USP49: variants seen among roughly 807,000 people sequenced by gnomAD.
USP49 encodes ubiquitin specific peptidase 49, also known as ubiquitin carboxyl-terminal hydrolase 49.
Under a neutral mutation model 58.6 loss-of-function variants are expected in USP49, and 24 were observed. The observed-to-expected ratio is 0.41, with a 90% CI of 0.30 to 0.58. The LOEUF (loss-of-function observed/expected upper bound fraction) is 0.58, where lower values mean the gene tolerates loss of function less well. Ranked by LOEUF, USP49 falls within the 20% of genes least tolerant of loss-of-function variation. USP49 has a pLI of 0.30. For synonymous variants in USP49, 408 were observed against 365.1 expected (o/e 1.12, Z -1.34); for missense variants, 703 against 866.1 (o/e 0.81, Z 2.36).
In USP49 at chr6:41,805,673, G is replaced by A; in HGVS notation, c.1311C>T (p.Val437=). ...PFSQRKLTKQ[V]LKVVNTIFHG... ...GAAATATGGTATTCACCACCTTTAA[G>A]ACCTGTTTGGTGAGCTTCCTCTGGG... is the stretch of plus-strand genomic sequence containing the variant. Residue 437 remains valine (V), a synonymous_variant, in exon 4 of 8, where the codon GTC becomes GTT. Coordinates refer to ENST00000682992, the MANE Select transcript of USP49 (RefSeq NM_001286554.2). The A allele has an allele frequency of 6.2e-7, 1 of 1,614,156 alleles. No individual in the cohort carries two copies. Among genetic ancestry groups the A allele is most frequent in the Non-Finnish European group, 8.5e-7 (1 of 1,180,012 alleles).
At chr6:41,825,264 T>C (rs1291388519) in intron 3 of USP49, among the ~76,000 whole-genome samples, 2 of 152,288 alleles carry the variant, frequency 1.3e-5, no homozygotes, top group East Asian at 3.9e-4. Flanking sequence ...TGCAGGTTAA[T>C]TTACTGTAGC....
intron 3 of USP49, among the ~76,000 whole-genome samples, chr6:41,836,136 G>A (rs755064613): frequency 4.6e-5 from 7 of 152,078 alleles, no homozygotes; most frequent in Non-Finnish European, 1.0e-4. Context: ...CATAGGTAGA[G>A]TAAGCTGGAA....
chr6:41,791,352 CCT>C lies in USP49; in HGVS notation c.*5179_*5180del, dbSNP rs1772795122. ...TCTTGAGCTCCTGGCCTCAAGCAAT[CCT>C]CCCACCTTGGCCTCCCAAAGTGTTG... On this transcript the variant is annotated 3_prime_UTR_variant, in exon 8 of 8. Coordinates refer to ENST00000682992, the MANE Select transcript of USP49 (RefSeq NM_001286554.2). 6.6e-6 allele frequency: 1 copy of C among 152,218 alleles called. No homozygotes were observed. Among genetic ancestry groups the C allele is most frequent in the African/African-American group, 2.4e-5 (1 of 41,456 alleles). 9.4% of individuals were successfully genotyped at this position (152,218 alleles called of 1,614,324 possible).
chr6:41,870,289 T>A (rs936802168), intron 3 of USP49, among the ~76,000 whole-genome samples: 1 of 152,198 alleles, frequency 6.6e-6, no homozygotes, highest in Non-Finnish European at 1.5e-5. Flanking sequence ...AGATAACATG[T>A]CCAAATGTCA....
chr6:41,840,267 G>C (rs193159382), intron 3 of USP49, among the ~76,000 whole-genome samples: 3 of 151,416 alleles, frequency 2.0e-5, no homozygotes, highest in Non-Finnish European at 4.4e-5. Flanking sequence ...CCAGCTACTC[G>C]GGAGGCTGAG....
chr6:41,852,256 C>A (rs149626718), intron 3 of USP49, among the ~76,000 whole-genome samples: 14 of 152,100 alleles, frequency 9.2e-5, no homozygotes, highest in African/African-American at 3.4e-4. Flanking sequence ...ACCCAGGAGG[C>A]GGAGGTTGCA....
At chr6:41,861,513 TTC>T (rs1213110191) in intron 3 of USP49, among the ~76,000 whole-genome samples, 2 of 152,178 alleles carry the variant, frequency 1.3e-5, no homozygotes, top group African/African-American at 4.8e-5. Flanking sequence ...TCCCGCTGCT[TTC>T]TGTCTCCAGT....
rs543105739 is a variant in USP49 at position 41,804,866 on chromosome 6, A to G, written c.1356+762T>C. On this transcript the variant is annotated intron_variant, in intron 4 of 7. Transcript: ENST00000682992. ...TGGGCTTAAGCAATTCTCCTGCCTC[A>G]GCCTCCCAAGTAGCTGGGATTACAG... Among the ~76,000 whole-genome samples, 48 of 152,314 alleles carry G rather than the reference A, an allele frequency of 3.2e-4. 1 individual carries two copies. Among genetic ancestry groups the G allele is most frequent in the Non-Finnish European group, 6.0e-4 (41 of 68,026 alleles).
intron 3 of USP49, among the ~76,000 whole-genome samples, chr6:41,831,648 ACTCTCTTG>A (rs1429596278): frequency 2.0e-5 from 3 of 151,712 alleles, no homozygotes; most frequent in African/African-American, 7.3e-5. Context: ...TTCACCACTA[ACTCTCTTG>A]AGCTTCTAAA....
intron 3 of USP49, among the ~76,000 whole-genome samples, chr6:41,858,827 C>T (rs1582025503): frequency 6.6e-6 from 1 of 152,260 alleles, no homozygotes; most frequent in East Asian, 1.9e-4. Context: ...TTGTTTTCCT[C>T]CCTAGCAATT....
intron 3 of USP49, among the ~76,000 whole-genome samples, chr6:41,853,767 C>G (rs138190496): frequency 0.013 from 2,009 of 151,768 alleles, 43 homozygotes; most frequent in African/African-American, 0.047. Context: ...GAGGCCAAGG[C>G]GGGCAGATCA....
At chr6:41,829,143 A>G (rs1773591633) in intron 3 of USP49, among the ~76,000 whole-genome samples, 1 of 152,174 alleles carries the variant, frequency 6.6e-6, no homozygotes, top group African/African-American at 2.4e-5. Flanking sequence ...CAGGAATGTG[A>G]TTGATTTCTG....
rs1772890888 is a variant in USP49, at chr6:41,796,563, A to G, written c.2037T>C (p.Asn679=). 1.4e-6 allele frequency: 1 copy of G among 717,448 alleles called. No individual in the cohort carries two copies. Among genetic ancestry groups the G allele is most frequent in the Middle Eastern group, 2.3e-4 (1 of 4,370 alleles). 44.4% of individuals were successfully genotyped at this position (717,448 alleles called of 1,614,324 possible). A position where few individuals can be genotyped will look rare whatever the true frequency, so the allele number is the denominator to read the frequency against. ...HLQAQVQSSN[N]DEGRPQTFS ...AAAATGTCTGTGGTCTGCCTTCATCATTGTTGCTGGACTGCACCTGAGCTT... is the reference window on the plus strand; with the variant it reads ...AAAATGTCTGTGGTCTGCCTTCATCGTTGTTGCTGGACTGCACCTGAGCTT... The change falls in exon 8 of 8, where the codon AAT becomes AAC. Residue 679 remains asparagine (N), a synonymous_variant. Coordinates refer to ENST00000682992, the MANE Select transcript of USP49 (RefSeq NM_001286554.2).
chr6:41,796,395 G>C lies in USP49; in HGVS notation c.*138C>G. 3 of 554,042 alleles carry C rather than the reference G, an allele frequency of 5.4e-6. No homozygotes were observed. Among genetic ancestry groups the C allele is most frequent in the Non-Finnish European group, 9.8e-6 (3 of 304,692 alleles). 34.3% of individuals were successfully genotyped at this position (554,042 alleles called of 1,614,324 possible). On this transcript the variant is annotated 3_prime_UTR_variant, in exon 8 of 8. Transcript: ENST00000682992. ...GACTATAAAATTTACGACAGGACAC[G>C]AATCACCTGGCACCTTCTACTCTAG...
intron 3 of USP49, among the ~76,000 whole-genome samples, chr6:41,813,775 T>C (rs1180395250): frequency 6.6e-6 from 1 of 152,218 alleles, no homozygotes; most frequent in Non-Finnish European, 1.5e-5. Context: ...AGGAAAAACA[T>C]GTATGATCAT....
At chr6:41,831,692 C>T (rs1451354923) in intron 3 of USP49, among the ~76,000 whole-genome samples, 1 of 152,098 alleles carries the variant, frequency 6.6e-6, no homozygotes, top group Non-Finnish European at 1.5e-5. Context: ...AAACATTACT[C>T]CAAACTAAAA....
At chr6:41,850,303 C>A (rs541237145) in intron 3 of USP49, among the ~76,000 whole-genome samples, 1 of 151,686 alleles carries the variant, frequency 6.6e-6, no homozygotes, top group Non-Finnish European at 1.5e-5. Context: ...ATTAGCCAGA[C>A]AAGGTGGCAC....
At chr6:41,823,990 G>C (rs1320054330) in intron 3 of USP49, among the ~76,000 whole-genome samples, 2 of 152,288 alleles carry the variant, frequency 1.3e-5, no homozygotes, top group African/African-American at 2.4e-5. Flanking sequence ...TAAAGTTGGA[G>C]AGCACTAATA....
chr6:41,865,916 CTT>C (rs34663718), intron 3 of USP49, among the ~76,000 whole-genome samples: 11,648 of 64,572 alleles, frequency 0.18, 766 homozygotes, highest in African/African-American at 0.24. Context: ...AGCATGGTGC[CTT>C]TTTTTTTTTT....
Sources: allele counts gnomAD v4.1 joint callset (sites outside exome capture counted in the v4.1 genomes callset), GRCh38; gene constraint gnomAD v4.1.1; transcripts MANE v1.5; gene names NCBI Gene and HGNC (gene_info 2026-07-23, HGNC 2026-07-21).